The following FRMPD4 variants were observed in gnomAD, a reference collection of about 807,000 sequenced individuals.
FRMPD4 encodes FERM and PDZ domain-containing protein 4.
A neutral mutation model predicts 94.1 loss-of-function variants in FRMPD4; 22 were observed. The observed-to-expected ratio is 0.23, with a 90% CI of 0.17 to 0.33. FRMPD4 has a LOEUF of 0.33. FRMPD4 is among the 10% of genes least tolerant of loss of function. The pLI is 1.00. For missense variants in FRMPD4, 1,111 were observed against 1,339.9 expected (o/e 0.83, Z 2.67); for synonymous variants, 631 against 548.6 (o/e 1.15, Z -2.10).
chrX:11,921,408 C>T (rs2091420), intron 3 of FRMPD4, among the ~76,000 whole-genome samples: 38,915 of 109,408 alleles, frequency 0.36, 5,612 homozygotes, highest in East Asian at 0.81. Context: ...CTTCATTTAA[C>T]ATTAATTACC....
At chrX:12,475,778 A>G (rs371691275) in intron 1 of FRMPD4, among the ~76,000 whole-genome samples, 1 of 111,931 alleles carries the variant, frequency 8.9e-6, no homozygotes, top group African/African-American at 3.3e-5. Flanking sequence ...TCCTCTTCAA[A>G]GAGAACTACA....
At chrX:12,331,604 T>TAA (rs2055375492) in intron 1 of FRMPD4, among the ~76,000 whole-genome samples, 1 of 84,362 alleles carries the variant, frequency 1.2e-5, no homozygotes, top group Non-Finnish European at 2.2e-5. Context: ...TATATATATA[T>TAA]AATATAATAT....
intron 1 of FRMPD4, among the ~76,000 whole-genome samples, chrX:12,302,202 G>C (rs902713204): frequency 9.0e-6 from 1 of 111,640 alleles, no homozygotes; most frequent in Admixed American, 9.5e-5. Context: ...GCCCTGGGCT[G>C]GTTTCCTTAC....
Position 12,098,280 on chromosome X carries a change from A to C in FRMPD4, c.95+220262A>C, listed in dbSNP as rs779476682. 3.7e-4 allele frequency among the ~76,000 whole-genome samples: 41 copies of C among 111,832 alleles called. 1 individual carries two copies. The East Asian group carries it at 0.01, about 27-fold the overall frequency. ...AAAAACAGAAAGAAAAAGAAAAAAA[A>C]AAAACATGGAAAAAATGTTGATCTG... is the stretch of plus-strand genomic sequence containing the variant. On this transcript the variant is annotated intron_variant, in intron 3 of 18. Transcript: ENST00000640291.
intron 1 of FRMPD4, among the ~76,000 whole-genome samples, chrX:12,140,806 C>A (rs921021656): frequency 2.7e-5 from 3 of 111,933 alleles, no homozygotes; most frequent in African/African-American, 9.7e-5. Flanking sequence ...TTGCAAAACT[C>A]AAGCAAGGCT....
At chrX:12,685,558 G>A (rs369337806) in intron 6 of FRMPD4, among the ~76,000 whole-genome samples, 1 of 60,093 alleles carries the variant, frequency 1.7e-5, no homozygotes. Flanking sequence ...TTGGAGTTTT[G>A]TTTTTTGTTT....
At chrX:12,685,172 T>C (rs1393386051) in intron 6 of FRMPD4, among the ~76,000 whole-genome samples, 1 of 111,666 alleles carries the variant, frequency 9.0e-6, no homozygotes, top group East Asian at 2.8e-4. Flanking sequence ...GGGACTGAAT[T>C]CTCTCTGACA....
chrX:12,365,174 C>A (rs5979608), intron 1 of FRMPD4, among the ~76,000 whole-genome samples: 1 of 111,910 alleles, frequency 8.9e-6, no homozygotes, highest in Non-Finnish European at 1.9e-5. Flanking sequence ...TATGAAGGAT[C>A]CTTTGCCTTT....
At chrX:12,232,663 G>T (rs1053044801) in intron 1 of FRMPD4, among the ~76,000 whole-genome samples, 1 of 111,502 alleles carries the variant, frequency 9.0e-6, no homozygotes, top group African/African-American at 3.3e-5. Context: ...GTAGGGAGGG[G>T]TCAATTTTTC....
chrX:12,174,418 G>T lies in FRMPD4; in HGVS notation c.41+35406G>T, dbSNP rs191663529. ...CTCTAGAAAACCAAAGCTGCTGCTT[G>T]TTAACACTCCTCAGGGGCAGTGGAG... is the stretch of plus-strand genomic sequence containing the variant. On this transcript the variant is annotated intron_variant, in intron 1 of 16. Coordinates refer to ENST00000675598, the MANE Select transcript of FRMPD4 (RefSeq NM_001368397.1). 7.3e-4 allele frequency among the ~76,000 whole-genome samples: 82 copies of T among 112,414 alleles called. 1 individual carries two copies. The Admixed American group carries it at 7.7e-3, about 11-fold the overall frequency.
At chrX:12,358,677 A>G (rs748886333) in intron 1 of FRMPD4, among the ~76,000 whole-genome samples, 1 of 112,058 alleles carries the variant, frequency 8.9e-6, no homozygotes, top group South Asian at 3.8e-4. Context: ...GAGAAAAGTC[A>G]TTACTTACCA....
At chrX:11,985,078 T>G (rs1291137038) in intron 3 of FRMPD4, among the ~76,000 whole-genome samples, 2 of 112,066 alleles carry the variant, frequency 1.8e-5, no homozygotes, top group Admixed American at 9.4e-5. Flanking sequence ...CTCCACTGAT[T>G]GTCTTCCCTG....
chrX:12,394,959 C>A (rs1424884019), intron 1 of FRMPD4, among the ~76,000 whole-genome samples: 3 of 111,629 alleles, frequency 2.7e-5, no homozygotes, highest in Non-Finnish European at 5.6e-5. Flanking sequence ...TTCAGGCAGG[C>A]CACGTGCTCC....
chrX:12,611,553 T>C (rs1305075494), intron 3 of FRMPD4, among the ~76,000 whole-genome samples: 1 of 112,420 alleles, frequency 8.9e-6, no homozygotes, highest in Admixed American at 9.4e-5. Context: ...GGTCATTCCA[T>C]AGATGTTTAC....
intron 3 of FRMPD4, among the ~76,000 whole-genome samples, chrX:12,026,877 G>A (rs1415371237): frequency 2.7e-5 from 3 of 112,410 alleles, no homozygotes; most frequent in Admixed American, 9.4e-5. Flanking sequence ...TAATACAAGC[G>A]TGTAATGGTG....
intron 9 of FRMPD4, among the ~76,000 whole-genome samples, chrX:12,699,496 C>T (rs761143566): frequency 4.4e-5 from 5 of 112,599 alleles, no homozygotes; most frequent in Non-Finnish European, 7.5e-5. Flanking sequence ...AGAGCGTGCA[C>T]GCACGGCACA....
chrX:11,922,615 G>A (rs2054064043), intron 3 of FRMPD4, among the ~76,000 whole-genome samples: 1 of 112,156 alleles, frequency 8.9e-6, no homozygotes, highest in Non-Finnish European at 1.9e-5. Context: ...CTGGCAAAGA[G>A]CAACCTGCTC....
chrX:12,552,696 G>A (rs1454429665), intron 2 of FRMPD4, among the ~76,000 whole-genome samples: 1 of 111,855 alleles, frequency 8.9e-6, no homozygotes, highest in Non-Finnish European at 1.9e-5. Context: ...CTATAACTAT[G>A]TAAAGTATTT....
At chrX:11,971,260 GC>G (rs2054338793) in intron 3 of FRMPD4, among the ~76,000 whole-genome samples, 1 of 112,278 alleles carries the variant, frequency 8.9e-6, no homozygotes, top group South Asian at 3.7e-4. Flanking sequence ...TTGCAGCAAT[GC>G]TTTTTGGGTA....
Sources: gnomAD v4.1 joint callset for allele counts (sites outside exome capture counted in the v4.1 genomes callset) on GRCh38, gnomAD v4.1.1 for gene constraint, MANE v1.5 for transcripts, NCBI Gene and HGNC (gene_info 2026-07-23, HGNC 2026-07-21) for gene names.